The following FTCDNL1 variants were observed in gnomAD, a reference collection of about 807,000 sequenced individuals.
FTCDNL1 encodes formiminotransferase N-terminal subdomain-containing protein.
A neutral mutation model predicts 5.9 loss-of-function variants in FTCDNL1; 11 were observed. The ratio of observed to expected loss-of-function variants is 1.87; its 90% CI spans 1.18 to 3.10. The LOEUF (loss-of-function observed/expected upper bound fraction) is 3.10. FTCDNL1 is among the 30% of genes most tolerant of loss of function. The pLI is 0.00. For synonymous variants in FTCDNL1, 58 were observed against 24.8 expected, an observed-to-expected ratio of 2.34 and a Z score of -3.99; for missense variants, 115 against 65.5, an observed-to-expected ratio of 1.76 and a Z score of -2.61.
At chr2:199,849,718 T>C (rs1216472152) in intron 1 of FTCDNL1, among the ~76,000 whole-genome samples, 1 of 152,192 alleles carries the variant, frequency 6.6e-6, no homozygotes, top group Non-Finnish European at 1.5e-5. Flanking sequence ...TTTTGACACA[T>C]CTTTCCATAC....
At chr2:199,718,466 T>C in the FTCDNL1 span, among the ~76,000 whole-genome samples, 719 of 152,302 alleles carry the variant, frequency 4.7e-3, 6 homozygotes, top group Non-Finnish European at 8.6e-3. Context: ...GACACGTAGG[T>C]TGATTCCATG....
intron 4 of FTCDNL1, among the ~76,000 whole-genome samples, chr2:199,817,613 C>T (rs1177403691): frequency 2.6e-5 from 4 of 151,902 alleles, no homozygotes; most frequent in Non-Finnish European, 5.9e-5. Context: ...CATGGTGAAA[C>T]CCTGTCTCTA....
chr2:199,714,860 G>T, the FTCDNL1 span, among the ~76,000 whole-genome samples: 1 of 150,636 alleles, frequency 6.6e-6, no homozygotes, highest in East Asian at 2.0e-4. Context: ...ACCAAACACC[G>T]CATGTTCTCA....
the FTCDNL1 span, among the ~76,000 whole-genome samples, chr2:199,726,645 A>G: frequency 6.6e-6 from 1 of 151,870 alleles, no homozygotes; most frequent in African/African-American, 2.4e-5. Context: ...TTTCTTTTAA[A>G]AGTCAGGCTC....
At chr2:199,709,361 C>T in the FTCDNL1 span, among the ~76,000 whole-genome samples, 1 of 152,090 alleles carries the variant, frequency 6.6e-6, no homozygotes. Context: ...CCCAGGGCAG[C>T]CAGTCCTAGC....
At chr2:199,826,424 G>C (rs940609757) in intron 3 of FTCDNL1, among the ~76,000 whole-genome samples, 3 of 101,616 alleles carry the variant, frequency 3.0e-5, no homozygotes, top group African/African-American at 1.2e-4. Flanking sequence ...ATGTAAAATG[G>C]AAAAGAAAGA....
At chr2:199,666,044 TC>T in the FTCDNL1 span, among the ~76,000 whole-genome samples, 6 of 152,242 alleles carry the variant, frequency 3.9e-5, no homozygotes, top group South Asian at 4.1e-4. Context: ...CTCAGTCACT[TC>T]CTTGTGATTT....
the FTCDNL1 span, among the ~76,000 whole-genome samples, chr2:199,754,456 T>C: frequency 6.6e-6 from 1 of 151,376 alleles, no homozygotes; most frequent in Non-Finnish European, 1.5e-5. Flanking sequence ...ATGGGAGGAG[T>C]CTAGTCTTTA....
intron 3 of FTCDNL1, among the ~76,000 whole-genome samples, chr2:199,771,237 C>T (rs1698792723): frequency 6.6e-6 from 1 of 152,126 alleles, no homozygotes; most frequent in African/African-American, 2.4e-5. Context: ...GAACATGAAG[C>T]CAACGGAGTG....
chr2:199,716,526 A>G, the FTCDNL1 span, among the ~76,000 whole-genome samples: 2 of 152,170 alleles, frequency 1.3e-5, no homozygotes, highest in African/African-American at 4.8e-5. Context: ...ATATCCTGAA[A>G]GGTGTTTTAT....
chr2:199,672,432 A>G, the FTCDNL1 span, among the ~76,000 whole-genome samples: 1 of 152,238 alleles, frequency 6.6e-6, no homozygotes, highest in Non-Finnish European at 1.5e-5. Context: ...AGAGATGATA[A>G]TTTAGTGAGA....
the FTCDNL1 span, among the ~76,000 whole-genome samples, chr2:199,721,098 T>C: frequency 6.6e-6 from 1 of 152,188 alleles, no homozygotes; most frequent in Non-Finnish European, 1.5e-5. Context: ...CGCTTGTCTC[T>C]TTCTTTTGTC....
chr2:199,666,994 T>C, the FTCDNL1 span, among the ~76,000 whole-genome samples: 3 of 151,910 alleles, frequency 2.0e-5, no homozygotes, highest in African/African-American at 7.3e-5. Flanking sequence ...CTTTTGTCTA[T>C]ACTATGATTC....
chr2:199,713,578 A>G, the FTCDNL1 span, among the ~76,000 whole-genome samples: 8 of 152,216 alleles, frequency 5.3e-5, no homozygotes, highest in East Asian at 1.5e-3. Flanking sequence ...TGTGTATTTT[A>G]AAGTTCTTAA....
intron 2 of FTCDNL1, among the ~76,000 whole-genome samples, chr2:199,847,718 T>C (rs2076768019): frequency 6.6e-6 from 1 of 152,200 alleles, no homozygotes; most frequent in Non-Finnish European, 1.5e-5. Flanking sequence ...AGTGTGTGTC[T>C]TCCACAAATG....
intron 3 of FTCDNL1, among the ~76,000 whole-genome samples, chr2:199,820,607 C>T (rs1701622685): frequency 6.6e-6 from 1 of 152,104 alleles, no homozygotes; most frequent in Non-Finnish European, 1.5e-5. Context: ...CAGCTCTGGG[C>T]CAGATGCTAC....
At chr2:199,733,429 C>G in the FTCDNL1 span, among the ~76,000 whole-genome samples, 3 of 152,096 alleles carry the variant, frequency 2.0e-5, no homozygotes, top group Non-Finnish European at 4.4e-5. Context: ...AAAGAGATGC[C>G]TGAGAAGTTA....
At chr2:199,721,869 T>C in the FTCDNL1 span, among the ~76,000 whole-genome samples, 1 of 152,078 alleles carries the variant, frequency 6.6e-6, no homozygotes, top group Admixed American at 6.6e-5. Flanking sequence ...CATTTCAATA[T>C]CAATCAGTGA....
In FTCDNL1 at chr2:199,846,086, A is replaced by G; in HGVS notation, c.200T>C (p.Val67Ala). ...KRSVITIATS[V>A]DKLGLAEDLV... ...AACTGAAATCTTACCCAACTTATCA[A>G]CAGAAGTTGCTATTGTAATGACTGA... is the stretch of plus-strand genomic sequence containing the variant. The change falls in exon 3 of 5, where the codon GTT becomes GCT. Residue 67 changes from valine to alanine, a missense_variant. Val to Ala is a moderately conservative substitution (Grantham distance 64). Coordinates refer to ENST00000420128, the MANE Select transcript of FTCDNL1 (RefSeq NM_001363886.2). 1.4e-6 allele frequency: 1 copy of G among 694,366 alleles called. No individual in the cohort carries two copies. Among genetic ancestry groups the G allele is most frequent in the Non-Finnish European group, 2.6e-6 (1 of 382,334 alleles). The allele number at this position is 694,366 out of a possible 1,614,324, so 43.0% of individuals were successfully genotyped here.
Sources: allele counts gnomAD v4.1 joint callset (sites outside exome capture counted in the v4.1 genomes callset), GRCh38; gene constraint gnomAD v4.1.1; transcripts MANE v1.5; gene names NCBI Gene and HGNC (gene_info 2026-07-23, HGNC 2026-07-21).